CHRM2: variants seen among roughly 807,000 people sequenced by gnomAD.
CHRM2 encodes the protein cholinergic receptor muscarinic 2.
In CHRM2, 8 loss-of-function variants were observed where a neutral mutation model predicts 25.0. The observed-to-expected ratio is 0.32, with a 90% CI of 0.19 to 0.58. CHRM2 has a LOEUF of 0.58. CHRM2 is among the 20% of genes least tolerant of loss of function. The probability of loss-of-function intolerance (pLI) is 0.88; values close to 1 mark genes in which losing one functional copy is unlikely to be tolerated. For synonymous variants in CHRM2, 202 were observed against 205.7 expected (o/e 0.98, Z 0.15); for missense variants, 440 against 567.1 (o/e 0.78, Z 2.28).
chr7:137,005,125 C>A (rs1217254069), intron 3 of CHRM2, among the ~76,000 whole-genome samples: 1 of 152,000 alleles, frequency 6.6e-6, no homozygotes, highest in Non-Finnish European at 1.5e-5. Context: ...GTACCCTATA[C>A]CTACATTCTA....
At position 137,015,696 on chromosome 7, in the gene CHRM2, AGAG is replaced by A; in HGVS notation, c.835_837del (p.Glu279del). On this transcript the variant is annotated inframe_deletion, in exon 4 of 4. Coordinates refer to ENST00000680005, the MANE Select transcript of CHRM2 (RefSeq NM_001006630.2). The surrounding 1 kb of genome is among the most constrained non-coding windows in gnomAD (Gnocchi z 5.1). ...CTGTGACTGAAAACTGTGTTCAGGG[AGAG>A]GAGAAGGAGAGCTCCAATGACTCCA... 3 of 1,613,264 alleles carry A rather than the reference AGAG, an allele frequency of 1.9e-6. No individual in the cohort carries two copies. Among genetic ancestry groups the A allele is most frequent in the Non-Finnish European group, 8.5e-7 (1 of 1,179,566 alleles).
intron 3 of CHRM2, among the ~76,000 whole-genome samples, chr7:137,001,463 T>C (rs1190076244): frequency 6.6e-6 from 1 of 152,154 alleles, no homozygotes; most frequent in Non-Finnish European, 1.5e-5. Context: ...AGGATGCTTT[T>C]TCATGAAGAA....
chr7:136,941,228 G>A (rs568450818), intron 2 of CHRM2, among the ~76,000 whole-genome samples: 1 of 152,120 alleles, frequency 6.6e-6, no homozygotes, highest in Non-Finnish European at 1.5e-5. Flanking sequence ...TCCATGGTAT[G>A]CAGGACAAAG....
chr7:136,933,088 TCTC>T (rs1170128445), intron 2 of CHRM2, among the ~76,000 whole-genome samples: 9 of 152,046 alleles, frequency 5.9e-5, no homozygotes, highest in Admixed American at 5.2e-4. Context: ...GATAAATTGG[TCTC>T]CTACAAAGTT....
chr7:136,996,646 T>TA (rs1199993090), intron 3 of CHRM2, among the ~76,000 whole-genome samples: 1 of 151,994 alleles, frequency 6.6e-6, no homozygotes, highest in African/African-American at 2.4e-5. Context: ...TATGCTAGAG[T>TA]AAAAAATTAG....
At chr7:136,895,137 A>C (rs1159914885) in intron 2 of CHRM2, among the ~76,000 whole-genome samples, 1 of 152,178 alleles carries the variant, frequency 6.6e-6, no homozygotes, top group African/African-American at 2.4e-5. Flanking sequence ...AATATTTTTA[A>C]TGCTTTATAG....
At chr7:136,877,932 C>T (rs974034219) in intron 2 of CHRM2, among the ~76,000 whole-genome samples, 4 of 151,926 alleles carry the variant, frequency 2.6e-5, no homozygotes, top group Non-Finnish European at 5.9e-5. Context: ...GGAATGTGAT[C>T]GTGAGCTAAA....
At chr7:136,995,344 G>C (rs1239648358) in intron 3 of CHRM2, among the ~76,000 whole-genome samples, 1 of 152,012 alleles carries the variant, frequency 6.6e-6, no homozygotes, top group Non-Finnish European at 1.5e-5. Context: ...TTCAATATTT[G>C]TATACCGAAA....
At chr7:136,970,187 T>C (rs1479400286) in intron 2 of CHRM2, among the ~76,000 whole-genome samples, 1 of 152,166 alleles carries the variant, frequency 6.6e-6, no homozygotes, top group Non-Finnish European at 1.5e-5. Flanking sequence ...ATTCAGTCCA[T>C]AAGAAAATGT....
intron 2 of CHRM2, among the ~76,000 whole-genome samples, chr7:136,961,122 T>TCAAAAAAAAA (rs1563092374): frequency 6.8e-4 from 100 of 147,816 alleles, no homozygotes; most frequent in African/African-American, 2.4e-3. Context: ...TAGACTTCAT[T>TCAAAAAAAAA]AAAAAAAAAA....
intron 2 of CHRM2, among the ~76,000 whole-genome samples, chr7:136,898,412 T>C (rs1382333950): frequency 1.3e-5 from 2 of 152,078 alleles, no homozygotes; most frequent in Non-Finnish European, 2.9e-5. Flanking sequence ...TTTTGGTACA[T>C]GGAATTTATC....
chr7:136,937,936 T>C (rs1799515164), intron 2 of CHRM2, among the ~76,000 whole-genome samples: 2 of 152,088 alleles, frequency 1.3e-5, no homozygotes, highest in African/African-American at 4.8e-5. Flanking sequence ...TTGGTCCTAA[T>C]TGAGGGTTTG....
In CHRM2 at chr7:136,981,805, C is replaced by A. The variant is rs1802507347; in HGVS notation, c.-124-10382C>A. Reference sequence around the variant, plus strand: ...AGTTCTAATTTGATTGCACTGTGGTCTGAGAGAGTGTTTGTTAAGATTTCC... The same window carrying A: ...AGTTCTAATTTGATTGCACTGTGGTATGAGAGAGTGTTTGTTAAGATTTCC... On this transcript the variant is annotated intron_variant, in intron 2 of 3. Coordinates refer to ENST00000680005, the MANE Select transcript of CHRM2 (RefSeq NM_001006630.2). Among the ~76,000 whole-genome samples the A allele has an allele frequency of 2.0e-5, 3 of 152,086 alleles. No homozygotes were observed. The South Asian group carries it at 6.2e-4, about 32-fold the overall frequency.
At chr7:136,900,681 T>C (rs1416715317) in intron 2 of CHRM2, among the ~76,000 whole-genome samples, 1 of 152,082 alleles carries the variant, frequency 6.6e-6, no homozygotes, top group African/African-American at 2.4e-5. Context: ...GCTCGTCTCA[T>C]AATTATCTTG....
At chr7:137,009,425 T>C (rs371617144) in intron 3 of CHRM2, among the ~76,000 whole-genome samples, 1 of 152,092 alleles carries the variant, frequency 6.6e-6, no homozygotes, top group East Asian at 1.9e-4. Context: ...AAATGTCACA[T>C]ATTTTCATGT....
chr7:137,005,007 T>G (rs763227134), intron 3 of CHRM2, among the ~76,000 whole-genome samples: 3 of 152,118 alleles, frequency 2.0e-5, no homozygotes, highest in Non-Finnish European at 4.4e-5. Flanking sequence ...TTTTTACAGC[T>G]TCGTTGAATC....
At position 136,949,393 on chromosome 7, in the gene CHRM2, G is replaced by T. The variant is rs191731454; in HGVS notation, c.-124-42794G>T. Among the ~76,000 whole-genome samples the T allele has an allele frequency of 7.0e-3, 1,051 of 149,868 alleles. 18 individuals are homozygous for T. The highest frequency in any genetic ancestry group is 6.2e-3 in the Non-Finnish European group (422 of 67,700). On this transcript the variant is annotated intron_variant, in intron 2 of 3. Transcript: ENST00000680005. Reference sequence around the variant, plus strand: ...GTACTTTGGGAAGCTGAGGTGGGAGGATCACTTGAGGCCAGGAGTTCAAGA... The same window carrying T: ...GTACTTTGGGAAGCTGAGGTGGGAGTATCACTTGAGGCCAGGAGTTCAAGA...
At chr7:136,946,705 A>G (rs1371103695) in intron 2 of CHRM2, among the ~76,000 whole-genome samples, 2 of 152,194 alleles carry the variant, frequency 1.3e-5, no homozygotes, top group Non-Finnish European at 2.9e-5. Context: ...AATGCTACTC[A>G]TTTGTAAATA....
intron 2 of CHRM2, among the ~76,000 whole-genome samples, chr7:136,885,047 A>T (rs1339525750): frequency 2.6e-5 from 4 of 152,248 alleles, no homozygotes; most frequent in Non-Finnish European, 5.9e-5. Flanking sequence ...ATCAGAAGAC[A>T]GATGAAACTT....
Sources: gnomAD v4.1 joint callset for allele counts (sites outside exome capture counted in the v4.1 genomes callset) on GRCh38, gnomAD v4.1.1 for gene constraint, Gnocchi (gnomAD v3.1) non-coding constraint, MANE v1.5 for transcripts, NCBI Gene and HGNC (gene_info 2026-07-23, HGNC 2026-07-21) for gene names.